MCC: variants seen among roughly 807,000 people sequenced by gnomAD.
MCC encodes the protein MCC regulator of Wnt signaling pathway.
Under a neutral mutation model 116.2 loss-of-function variants are expected in MCC, and 90 were observed. The observed-to-expected ratio is 0.77, with a 90% CI of 0.65 to 0.92. The LOEUF is 0.92. MCC is among the 40% of genes least tolerant of loss of function. MCC has a pLI of 0.00. For missense variants in MCC, 1,516 were observed against 1,312.2 expected, an observed-to-expected ratio of 1.16 and a Z score of -2.40; for synonymous variants, 578 against 510.5, an observed-to-expected ratio of 1.13 and a Z score of -1.78.
chr5:113,262,119 G>A (rs969994005), intron 3 of MCC, among the ~76,000 whole-genome samples: 1 of 151,724 alleles, frequency 6.6e-6, no homozygotes, highest in Non-Finnish European at 1.5e-5. Context: ...CGAGGTCCAT[G>A]CAAAACAAAG....
chr5:113,471,703 G>C (rs561628994), intron 1 of MCC, among the ~76,000 whole-genome samples: 5 of 149,546 alleles, frequency 3.3e-5, no homozygotes, highest in East Asian at 4.0e-4. Context: ...AGCTGTCAGA[G>C]AGGGACATTT....
At chr5:113,476,261 A>T (rs1245566069) in intron 1 of MCC, among the ~76,000 whole-genome samples, 2 of 152,238 alleles carry the variant, frequency 1.3e-5, no homozygotes, top group Non-Finnish European at 2.9e-5. Flanking sequence ...AGAAGAACAA[A>T]GTTGGACAAT....
At chr5:113,369,149 T>G (rs1469608441) in intron 2 of MCC, among the ~76,000 whole-genome samples, 1 of 152,084 alleles carries the variant, frequency 6.6e-6, no homozygotes, top group African/African-American at 2.4e-5. Context: ...TACATAGGCA[T>G]GATTGATTAT....
At chr5:113,410,601 T>G (rs896279041) in intron 1 of MCC, among the ~76,000 whole-genome samples, 1 of 152,172 alleles carries the variant, frequency 6.6e-6, no homozygotes, top group African/African-American at 2.4e-5. Flanking sequence ...CATAATGAAT[T>G]ATTATGCAAC....
intron 6 of MCC, among the ~76,000 whole-genome samples, chr5:113,122,080 A>G (rs1757765601): frequency 6.6e-6 from 1 of 152,260 alleles, no homozygotes; most frequent in Non-Finnish European, 1.5e-5. Flanking sequence ...ATTTAAAAAT[A>G]CTTTTTCATG....
chr5:113,248,343 GA>G (rs1157625046), intron 3 of MCC, among the ~76,000 whole-genome samples: 1 of 151,678 alleles, frequency 6.6e-6, no homozygotes, highest in East Asian at 1.9e-4. Flanking sequence ...ACAGAACACA[GA>G]AAAACACACT....
intron 3 of MCC, among the ~76,000 whole-genome samples, chr5:113,297,423 G>C (rs1766741225): frequency 6.6e-6 from 1 of 151,928 alleles, no homozygotes; most frequent in African/African-American, 2.4e-5. Context: ...AAAATTAGCT[G>C]GGCGTGGTGG....
At position 113,068,199 on chromosome 5, in the gene MCC, T is replaced by C. The variant is rs375901440; in HGVS notation, c.1926-16A>G. ...GCACTGCTCGCTGAAACAAAGCACA[T>C]GGGGCCTCAGCCCTTGCAGAGAACA... On this transcript the variant is annotated splice_polypyrimidine_tract_variant and intron_variant, in intron 12 of 18. Transcript: ENST00000408903. 165 of 1,602,336 alleles carry C rather than the reference T, an allele frequency of 1.0e-4. No individual in the cohort carries two copies. The highest frequency in any genetic ancestry group is 1.4e-4 in the Non-Finnish European group (164 of 1,169,674).
At chr5:113,334,468 AG>A (rs1389590709) in intron 3 of MCC, among the ~76,000 whole-genome samples, 1 of 151,338 alleles carries the variant, frequency 6.6e-6, no homozygotes, top group African/African-American at 2.5e-5. Flanking sequence ...GGCCTCCCAA[AG>A]TGCTGGGATT....
chr5:113,175,722 A>G (rs957993091), intron 3 of MCC, among the ~76,000 whole-genome samples: 2 of 152,178 alleles, frequency 1.3e-5, no homozygotes, highest in Admixed American at 6.5e-5. Context: ...TAGCAACCAC[A>G]TAATATTCCT....
At chr5:113,181,303 A>G (rs1480885252) in intron 3 of MCC, among the ~76,000 whole-genome samples, 1 of 152,252 alleles carries the variant, frequency 6.6e-6, no homozygotes, top group African/African-American at 2.4e-5. Context: ...CACCATTACC[A>G]GCCTTGAAAT....
chr5:113,126,073 G>C (rs1758033131), intron 5 of MCC, among the ~76,000 whole-genome samples: 1 of 152,128 alleles, frequency 6.6e-6, no homozygotes, highest in Middle Eastern at 3.2e-3. Flanking sequence ...GTTTCTCCTT[G>C]GAACATAAAG....
intron 1 of MCC, among the ~76,000 whole-genome samples, chr5:113,406,454 A>G (rs983761974): frequency 6.6e-6 from 1 of 152,162 alleles, no homozygotes; most frequent in South Asian, 2.1e-4. Flanking sequence ...TTGGCATATA[A>G]TTAACTCCTG....
At chr5:113,138,179 G>C (rs1581139324) in intron 5 of MCC, among the ~76,000 whole-genome samples, 1 of 152,152 alleles carries the variant, frequency 6.6e-6, no homozygotes, top group Admixed American at 6.5e-5. Flanking sequence ...ACCACGCCCA[G>C]CTAACTTTTG....
intron 1 of MCC, among the ~76,000 whole-genome samples, chr5:113,400,804 G>GA: frequency 6.6e-6 from 1 of 152,208 alleles, no homozygotes; most frequent in East Asian, 1.9e-4. Flanking sequence ...AATGAACAAA[G>GA]AGCACCTTTT....
intron 1 of MCC, among the ~76,000 whole-genome samples, chr5:113,462,312 G>C (rs981081261): frequency 6.6e-6 from 1 of 152,098 alleles, no homozygotes; most frequent in African/African-American, 2.4e-5. Context: ...TCTCCAATTT[G>C]TCCACAGACT....
intron 3 of MCC, among the ~76,000 whole-genome samples, chr5:113,200,369 A>G (rs1208209847): frequency 2.6e-5 from 4 of 152,202 alleles, no homozygotes; most frequent in African/African-American, 9.7e-5. Flanking sequence ...AGGGCTCAGG[A>G]CAGCAGCTCT....
chr5:113,155,792 C>T (rs1159969862), intron 3 of MCC, among the ~76,000 whole-genome samples: 3 of 152,130 alleles, frequency 2.0e-5, no homozygotes, highest in Non-Finnish European at 4.4e-5. Context: ...TCTTCCTCAA[C>T]ACATATTTCT....
At chr5:113,266,851 G>T (rs188326433) in intron 3 of MCC, among the ~76,000 whole-genome samples, 263 of 152,176 alleles carry the variant, frequency 1.7e-3, no homozygotes, top group African/African-American at 6.3e-3. Flanking sequence ...AAAAGATTAG[G>T]TATCAGGCTC....
Sources: allele counts gnomAD v4.1 joint callset (sites outside exome capture counted in the v4.1 genomes callset), GRCh38; gene constraint gnomAD v4.1.1; transcripts MANE v1.5; gene names NCBI Gene and HGNC (gene_info 2026-07-23, HGNC 2026-07-21).